MERTK: variants seen among roughly 807,000 people sequenced by gnomAD.
MERTK encodes tyrosine-protein kinase Mer.
A neutral mutation model predicts 99.3 loss-of-function variants in MERTK; 69 were observed. The ratio of observed to expected loss-of-function variants is 0.70; its 90% CI spans 0.57 to 0.85. MERTK has a LOEUF of 0.85. Ranked by LOEUF, MERTK falls within the 40% of genes least tolerant of loss-of-function variation. MERTK has a pLI of 0.00. For synonymous variants in MERTK, 426 were observed against 467.6 expected (o/e 0.91, Z 1.15); for missense variants, 1,125 against 1,249.4 (o/e 0.90, Z 1.50).
chr2:111,988,746 C>T (rs1160638128), intron 8 of MERTK, among the ~76,000 whole-genome samples: 2 of 152,160 alleles, frequency 1.3e-5, no homozygotes, highest in Admixed American at 6.5e-5. Context: ...AGGAGTTCGA[C>T]GAGACCAGCC....
In MERTK at chr2:111,994,321, C is replaced by T. The variant is rs754428081; in HGVS notation, c.1367C>T (p.Thr456Met). 28 of 1,614,008 alleles carry T rather than the reference C, an allele frequency of 1.7e-5. No individual in the cohort carries two copies. Among genetic ancestry groups the T allele is most frequent in the Middle Eastern group, 1.6e-4 (1 of 6,082 alleles). The change falls in exon 9 of 19, where the codon ACG becomes ATG. Residue 456 changes from threonine (T) to methionine (M), a missense_variant. Coordinates refer to ENST00000295408, the MANE Select transcript of MERTK (RefSeq NM_006343.3). ...ATCTCTGTTCAAGTCCACAATGCTA[C>T]GTGCACAGTGAGGATTGCAGCCGTC... is the stretch of plus-strand genomic sequence containing the variant. ...ARISVQVHNA[T>M]CTVRIAAVTR...
chr2:111,910,113 A>G (rs997117012), intron 1 of MERTK, among the ~76,000 whole-genome samples: 14 of 152,172 alleles, frequency 9.2e-5, no homozygotes, highest in African/African-American at 3.1e-4. Flanking sequence ...AGAAATAAAA[A>G]AATTAGCTAG....
At chr2:111,964,399 G>GTT (rs70962969) in intron 4 of MERTK, among the ~76,000 whole-genome samples, 3 of 73,144 alleles carry the variant, frequency 4.1e-5, no homozygotes, top group African/African-American at 1.0e-4. Flanking sequence ...GTGTGTGTGT[G>GTT]CGCGCGCGCA....
chr2:111,926,569 A>C (rs1226607435), intron 1 of MERTK, among the ~76,000 whole-genome samples: 1 of 146,920 alleles, frequency 6.8e-6, no homozygotes, highest in East Asian at 1.9e-4. Context: ...TCTACTAAAA[A>C]TACACAGATT....
intron 4 of MERTK, among the ~76,000 whole-genome samples, chr2:111,956,993 T>C (rs908242990): frequency 2.0e-5 from 3 of 149,938 alleles, no homozygotes; most frequent in Non-Finnish European, 1.5e-5. Context: ...AGTGGCGTGA[T>C]CTCAGCTCAC....
chr2:111,983,034 T>C (rs1558796515), intron 8 of MERTK, 41 bp downstream of exon 8: 1 of 1,611,988 alleles, frequency 6.2e-7, no homozygotes, highest in East Asian at 2.2e-5. Context: ...GTCATCTCCT[T>C]TCAACTTGCT....
chr2:112,025,311 C>G (rs531405610), intron 18 of MERTK, among the ~76,000 whole-genome samples: 5 of 152,294 alleles, frequency 3.3e-5, no homozygotes, highest in African/African-American at 1.2e-4. Flanking sequence ...GGGCTCCTCT[C>G]CGGGACTCAC....
rs780307465 is a variant in MERTK, at chr2:112,021,418, G to A, written c.2190-4G>A. 1.2e-6 allele frequency: 2 copies of A among 1,612,896 alleles called. No homozygotes were observed. Among genetic ancestry groups the A allele is most frequent in the African/African-American group, 2.7e-5 (2 of 74,888 alleles). Reference sequence around the variant, plus strand: ...CTGCTGAAGACGTAACCTGCTCTCTGTAGGTTGCGAGATGACATGACTGTC... The same window carrying A: ...CTGCTGAAGACGTAACCTGCTCTCTATAGGTTGCGAGATGACATGACTGTC... On this transcript the variant is annotated splice_polypyrimidine_tract_variant and splice_region_variant and intron_variant, in intron 16 of 18. Transcript: ENST00000295408.
intron 2 of MERTK, among the ~76,000 whole-genome samples, chr2:111,935,683 GTGTT>G (rs1348183719): frequency 5.0e-5 from 6 of 118,888 alleles, no homozygotes; most frequent in African/African-American, 1.9e-4. Flanking sequence ...GTGTGTGTGT[GTGTT>G]TAAATTATTT....
intron 4 of MERTK, among the ~76,000 whole-genome samples, chr2:111,951,527 A>ATATATATATATATATATATT (rs1685055521): frequency 1.1e-5 from 1 of 92,400 alleles, no homozygotes; most frequent in Non-Finnish European, 2.3e-5. Flanking sequence ...ATTCCCATAT[A>ATATATATATATATATATATT]TATATATATA....
intron 1 of MERTK, among the ~76,000 whole-genome samples, chr2:111,927,772 A>T (rs931425071): frequency 6.6e-6 from 1 of 152,038 alleles, no homozygotes; most frequent in Non-Finnish European, 1.5e-5. Context: ...AGAACACCCT[A>T]CTCCCTGCAC....
chr2:111,929,983 G>A (rs1457934517), intron 2 of MERTK, among the ~76,000 whole-genome samples: 1 of 152,114 alleles, frequency 6.6e-6, no homozygotes, highest in South Asian at 2.1e-4. Flanking sequence ...CAAACCACTG[G>A]TCCCTTTAGA....
At chr2:111,934,984 T>A (rs967674612) in intron 2 of MERTK, among the ~76,000 whole-genome samples, 1 of 152,158 alleles carries the variant, frequency 6.6e-6, no homozygotes, top group African/African-American at 2.4e-5. Flanking sequence ...CTTCCATTGC[T>A]CTTACACCCT....
intron 8 of MERTK, among the ~76,000 whole-genome samples, chr2:111,986,227 G>A (rs934481381): frequency 1.3e-5 from 2 of 152,226 alleles, no homozygotes; most frequent in African/African-American, 4.8e-5. Flanking sequence ...AGCTGCGAGA[G>A]AAGCAGCCTT....
At position 112,028,627 on chromosome 2, in the gene MERTK, C is replaced by G. The variant is rs1276797688; in HGVS notation, c.2763C>G (p.Asp921Glu). Residue 921 changes from aspartate to glutamate, a missense_variant, in exon 19 of 19, where the codon GAC becomes GAG. Coordinates refer to ENST00000295408, the MANE Select transcript of MERTK (RefSeq NM_006343.3). ...GTGTGGTCACAGCAGAAGTTCATGACAGCAAACCTCATGAAGGACGGTACA... is the reference window on the plus strand; with the variant it reads ...GTGTGGTCACAGCAGAAGTTCATGAGAGCAAACCTCATGAAGGACGGTACA... ...AISVVTAEVHDSKPHEGRYIL... is the reference protein window; with the variant it reads ...AISVVTAEVHESKPHEGRYIL... 5.0e-6 allele frequency: 8 copies of G among 1,614,106 alleles called. No individual in the cohort carries two copies. Among genetic ancestry groups the G allele is most frequent in the Non-Finnish European group, 5.1e-6 (6 of 1,180,048 alleles).
chr2:111,974,386 CAAA>C (rs1676195617), intron 6 of MERTK, among the ~76,000 whole-genome samples: 1 of 150,182 alleles, frequency 6.7e-6, no homozygotes. Flanking sequence ...GACTCCATCT[CAAA>C]AAAAGTAGTA....
Position 111,982,868 on chromosome 2 carries a change from A to G in MERTK, c.1171A>G (p.Thr391Ala), listed in dbSNP as rs1270116423. The change falls in exon 8 of 19, where the codon ACT (threonine) becomes GCT (alanine). Residue 391 changes from threonine to alanine, a missense_variant. Thr to Ala is a moderately conservative substitution (Grantham distance 58). Coordinates refer to ENST00000295408, the MANE Select transcript of MERTK (RefSeq NM_006343.3). ...GAPSVAPLNV[T>A]VFLNESSDNV... ...CCCATCAGTAGCACCTTTAAATGTC[A>G]CTGTGTTTCTGAATGAATCTAGTGA... 3 of 1,613,972 alleles carry G rather than the reference A, an allele frequency of 1.9e-6. No homozygotes were observed. The highest frequency in any genetic ancestry group is 1.7e-6 in the Non-Finnish European group (2 of 1,179,952).
At chr2:111,993,971 C>T (rs1312477857) in intron 8 of MERTK, among the ~76,000 whole-genome samples, 2 of 152,210 alleles carry the variant, frequency 1.3e-5, no homozygotes, top group Non-Finnish European at 2.9e-5. Flanking sequence ...GCATCTGCTA[C>T]GTGCTCCCTC....
chr2:111,974,769 C>CAAAAAAAAAAAAAAAAAAAAAAAAAA (rs35594851), intron 6 of MERTK, among the ~76,000 whole-genome samples: 15 of 53,334 alleles, frequency 2.8e-4, no homozygotes, highest in Non-Finnish European at 3.7e-4. Flanking sequence ...AGGTCCATCT[C>CAAAAAAAAAAAAAAAAAAAAAAAAAA]AAAAAAAAAA....
Sources: gnomAD v4.1 joint callset for allele counts (sites outside exome capture counted in the v4.1 genomes callset) on GRCh38, gnomAD v4.1.1 for gene constraint, MANE v1.5 for transcripts, NCBI Gene and HGNC (gene_info 2026-07-23, HGNC 2026-07-21) for gene names.